Variants in QPCTL observed in about 807,000 individuals in gnomAD.
QPCTL encodes the protein glutaminyl-peptide cyclotransferase like.
Under a neutral mutation model 34.6 loss-of-function variants are expected in QPCTL, and 31 were observed. The ratio of observed to expected loss-of-function variants is 0.90; its 90% CI spans 0.67 to 1.21. QPCTL has a LOEUF of 1.21. Among genes scored for constraint, QPCTL ranks in the 50% most tolerant of loss-of-function variants. The probability of loss-of-function intolerance (pLI) is 0.00; values close to 1 mark genes in which losing one functional copy is unlikely to be tolerated. For missense variants in QPCTL, 474 were observed against 507.8 expected, an observed-to-expected ratio of 0.93 and a Z score of 0.64; for synonymous variants, 223 against 226.9, an observed-to-expected ratio of 0.98 and a Z score of 0.15.
chr19:45,693,277 C>T, intron 1 of QPCTL, 136 bp from the exon 2 acceptor site: 1 of 1,232,694 alleles, frequency 8.1e-7, no homozygotes, highest in Non-Finnish European at 1.1e-6. Flanking sequence ...TGGATTTATC[C>T]TAGAAGTCTC....
chr19:45,696,257 C>T (rs1057237607), intron 3 of QPCTL, among the ~76,000 whole-genome samples: 1 of 151,914 alleles, frequency 6.6e-6, no homozygotes, highest in Non-Finnish European at 1.5e-5. Context: ...AGAGCTTGCT[C>T]CCACCTCAGG....
chr19:45,700,071 A>C (rs1363752230), intron 5 of QPCTL, among the ~76,000 whole-genome samples: 3 of 151,964 alleles, frequency 2.0e-5, no homozygotes, highest in Non-Finnish European at 2.9e-5. Context: ...ACTGCACTCC[A>C]GCCTGGGGAC....
chr19:45,698,228 T>C (rs991396982), intron 3 of QPCTL, among the ~76,000 whole-genome samples: 2 of 151,360 alleles, frequency 1.3e-5, no homozygotes, highest in Non-Finnish European at 2.9e-5. Context: ...CCAGCCTGGG[T>C]GACAGAGCAA....
chr19:45,703,192 C>A lies in QPCTL; in HGVS notation c.*143C>A. On this transcript the variant is annotated 3_prime_UTR_variant, in exon 7 of 7. Transcript: ENST00000012049. Reference sequence around the variant, plus strand: ...TCCTAATTGTGCTACAATTGGAAGACCTTCTTTCTTTTGATTGTCTCAAGC... The same window carrying A: ...TCCTAATTGTGCTACAATTGGAAGAACTTCTTTCTTTTGATTGTCTCAAGC... 9.1e-7 allele frequency: 1 copy of A among 1,104,210 alleles called. No individual in the cohort carries two copies. Among genetic ancestry groups the A allele is most frequent in the East Asian group, 2.6e-5 (1 of 38,424 alleles). The allele number at this position is 1,104,210 out of a possible 1,614,324, so 68.4% of individuals were successfully genotyped here.
rs555125681 is a variant in QPCTL, at chr19:45,696,398, C to G, written c.633+680C>G. ...ACAAGGTCAGGAGTTCAAGACCAGC[C>G]TGGCCAACATGATGAAACCCCATCT... is the stretch of plus-strand genomic sequence containing the variant. On this transcript the variant is annotated intron_variant, in intron 3 of 6. Coordinates refer to ENST00000012049, the MANE Select transcript of QPCTL (RefSeq NM_017659.4). Among the ~76,000 whole-genome samples the G allele has an allele frequency of 2.0e-4, 30 of 152,026 alleles. No homozygotes were observed. In the South Asian group the frequency reaches 6.0e-3, roughly 31 times the overall value.
chr19:45,701,846 T>C lies in QPCTL; in HGVS notation c.935T>C (p.Val312Ala). 6.2e-7 allele frequency: 1 copy of C among 1,613,980 alleles called. No homozygotes were observed. Among genetic ancestry groups the C allele is most frequent in the African/African-American group, 1.3e-5 (1 of 75,010 alleles). ...LNLLQSHPQE[V>A]MYFQPGEPFG... ...CTGCTGCAGTCTCATCCCCAGGAAG[T>C]GATGTACTTCCAACCCGGGGAGCCC... is the stretch of plus-strand genomic sequence containing the variant. The change falls in exon 6 of 7, where the codon GTG (valine) becomes GCG (alanine). Residue 312 changes from valine to alanine, a missense_variant. Coordinates refer to ENST00000012049, the MANE Select transcript of QPCTL (RefSeq NM_017659.4).
Position 45,703,080 on chromosome 19 carries a change from G to GT in QPCTL, c.*32dup. ...TTGGCCAATGACTGTGGAGAGGACT[G>GT]TGAGAGAGAAGGTCCCAGCGGGGGC... On this transcript the variant is annotated 3_prime_UTR_variant, in exon 7 of 7. Coordinates refer to ENST00000012049, the MANE Select transcript of QPCTL (RefSeq NM_017659.4). 1 of 1,613,578 alleles carries GT rather than the reference G, an allele frequency of 6.2e-7. No homozygotes were observed. The highest frequency in any genetic ancestry group is 8.5e-7 in the Non-Finnish European group (1 of 1,179,522).
chr19:45,692,869 C>A lies in QPCTL; in HGVS notation c.166C>A (p.His56Asn). Residue 56 changes from histidine to asparagine, a missense_variant, in exon 1 of 7, where the codon CAC becomes AAC. By Grantham distance (68) the His-to-Asn change is moderately conservative. Transcript: ENST00000012049. ...SAFYTIWSGW[H>N]RRTEELPLGR... ...GTTCTACACCATTTGGAGCGGCTGG[C>A]ACCGCAGGACTGAGGAGCTGCCGCT... 6.4e-7 allele frequency: 1 copy of A among 1,551,056 alleles called. No individual in the cohort carries two copies. Among genetic ancestry groups the A allele is most frequent in the South Asian group, 1.2e-5 (1 of 84,440 alleles).
chr19:45,700,981 C>T lies in QPCTL; in HGVS notation c.887-817C>T, dbSNP rs1017449148. Among the ~76,000 whole-genome samples, 116 of 149,946 alleles carry T rather than the reference C, an allele frequency of 7.7e-4. 1 individual carries two copies. Among genetic ancestry groups the T allele is most frequent in the African/African-American group, 2.7e-3 (111 of 40,798 alleles). On this transcript the variant is annotated intron_variant, in intron 5 of 6. Transcript: ENST00000012049. ...TCAAAAAAAAAAAAAAAAAAAAGGC[C>T]GGAGGGCCCAGACATAGTGGCTCAT...
rs754832841 is a variant in QPCTL at position 45,695,512 on chromosome 19, C to T, written c.427C>T (p.Leu143=). The change falls in exon 3 of 7, where the codon CTG becomes TTG. Residue 143 remains leucine, a synonymous_variant. Transcript: ENST00000012049. The part of the protein sequence containing the change: ...ELDPFTASTP[L]GPVDFGNVVA... ...GGATCCCTTCACAGCCTCAACACCC[C>T]TGGGGCCAGTGGACTTTGGCAATGT... The T allele has an allele frequency of 6.2e-7, 1 of 1,614,000 alleles. No homozygotes were observed. Among genetic ancestry groups the T allele is most frequent in the East Asian group, 2.2e-5 (1 of 44,888 alleles).
In QPCTL at chr19:45,703,159, C is replaced by T; in HGVS notation, c.*110C>T. 7.5e-7 allele frequency: 1 copy of T among 1,328,694 alleles called. No individual in the cohort carries two copies. 82.3% of individuals were successfully genotyped at this position (1,328,694 alleles called of 1,614,324 possible). On this transcript the variant is annotated 3_prime_UTR_variant, in exon 7 of 7. Transcript: ENST00000012049. ...GGTGTGCTGGTTTGTCCTTTTCATA[C>T]CTTTGTCTCCTAATTGTGCTACAAT...
At chr19:45,696,589 C>CA (rs746994607) in intron 3 of QPCTL, among the ~76,000 whole-genome samples, 230 of 125,008 alleles carry the variant, frequency 1.8e-3, no homozygotes, top group East Asian at 4.1e-3. Context: ...GACTCCATCT[C>CA]AAAAAAAAAA....
At chr19:45,701,768 C>CTT in intron 5 of QPCTL, 30 bp from the exon 6 acceptor site, 5 of 1,553,496 alleles carry the variant, frequency 3.2e-6, no homozygotes, top group Non-Finnish European at 4.4e-6. Flanking sequence ...TAAGGACTAA[C>CTT]CCTTCCTCTC....
intron 3 of QPCTL, among the ~76,000 whole-genome samples, chr19:45,696,520 GC>G (rs2146126800): frequency 6.6e-6 from 1 of 151,952 alleles, no homozygotes; most frequent in South Asian, 2.1e-4. Context: ...AACCCGGGAG[GC>G]GGAGGTTGCA....
chr19:45,693,387 C>CT, intron 1 of QPCTL, 26 bp from the exon 2 acceptor site: 1 of 1,594,912 alleles, frequency 6.3e-7, no homozygotes, highest in Non-Finnish European at 8.6e-7. Context: ...TCATTCTTCC[C>CT]TTCCCTATCC....
chr19:45,701,212 G>A (rs576336068), intron 5 of QPCTL, among the ~76,000 whole-genome samples: 28 of 152,174 alleles, frequency 1.8e-4, no homozygotes, highest in Middle Eastern at 3.4e-3. Flanking sequence ...TTAGGCCAGC[G>A]AGATTAAGGC....
intron 6 of QPCTL, 143 bp downstream of exon 6, chr19:45,702,057 G>A: frequency 1.6e-6 from 1 of 633,676 alleles, no homozygotes; most frequent in Non-Finnish European, 2.8e-6. Context: ...TGTAAAATGG[G>A]GATAATACTC....
chr19:45,702,007 C>A, intron 6 of QPCTL, 93 bp downstream of exon 6: 1 of 980,066 alleles, frequency 1.0e-6, no homozygotes. Context: ...GGGAATGGTG[C>A]TAAGTGGCCT....
At chr19:45,697,417 C>T (rs1215720768) in intron 3 of QPCTL, among the ~76,000 whole-genome samples, 1 of 128,366 alleles carries the variant, frequency 7.8e-6, no homozygotes, top group Non-Finnish European at 1.6e-5. Flanking sequence ...TACAGCGAGA[C>T]TCCGTCTCAA....
Sources: allele counts gnomAD v4.1 joint callset (sites outside exome capture counted in the v4.1 genomes callset), GRCh38; gene constraint gnomAD v4.1.1; transcripts MANE v1.5; gene names NCBI Gene and HGNC (gene_info 2026-07-23, HGNC 2026-07-21).